VTA1: variants seen among roughly 807,000 people sequenced by gnomAD.
VTA1 encodes vacuolar protein sorting-associated protein VTA1 homolog.
VTA1 carries 24 observed loss-of-function variants against 36.9 expected under a neutral mutation model. The observed-to-expected ratio is 0.65, with a 90% CI of 0.47 to 0.91. VTA1 has a LOEUF of 0.91. Ranked by LOEUF, VTA1 falls within the 40% of genes least tolerant of loss-of-function variation. The pLI is 0.00. For synonymous variants in VTA1, 142 were observed against 130.2 expected (o/e 1.09, Z -0.62); for missense variants, 393 against 377.2 (o/e 1.04, Z -0.35).
chr6:142,207,406 G>A lies in VTA1; in HGVS notation c.778+3341G>A, dbSNP rs143231966. 1.3e-4 allele frequency among the ~76,000 whole-genome samples: 20 copies of A among 152,232 alleles called. No individual in the cohort carries two copies. The East Asian group carries it at 3.7e-3, about 28-fold the overall frequency. The stretch of plus-strand genomic sequence containing the variant: ...TATTCCCAGCCCCAGAAACTTCACT[G>A]TGCAACTTGGCCAAAGGAGACACCA... On this transcript the variant is annotated intron_variant, in intron 7 of 7. Transcript: ENST00000367630.
intron 5 of VTA1, among the ~76,000 whole-genome samples, chr6:142,192,991 T>C (rs1775482573): frequency 6.6e-6 from 1 of 152,114 alleles, no homozygotes; most frequent in Non-Finnish European, 1.5e-5. Context: ...CTGATTTCCA[T>C]CTGTATTCAG....
chr6:142,216,657 T>A (rs1219323976), intron 7 of VTA1, among the ~76,000 whole-genome samples: 1 of 152,214 alleles, frequency 6.6e-6, no homozygotes, highest in African/African-American at 2.4e-5. Flanking sequence ...AAAAATACAG[T>A]ATTTGTGTTT....
intron 4 of VTA1, among the ~76,000 whole-genome samples, chr6:142,179,770 C>T (rs1339998113): frequency 6.6e-6 from 1 of 152,054 alleles, no homozygotes; most frequent in African/African-American, 2.4e-5. Flanking sequence ...AAAGTATGTT[C>T]GTTTTACTGC....
intron 6 of VTA1, among the ~76,000 whole-genome samples, chr6:142,200,837 G>T (rs762092037): frequency 1.3e-5 from 2 of 151,870 alleles, no homozygotes; most frequent in Non-Finnish European, 2.9e-5. Context: ...TATAGAATGA[G>T]ATCCTATCAT....
At chr6:142,156,285 G>A (rs569117307) in intron 1 of VTA1, among the ~76,000 whole-genome samples, 1 of 152,264 alleles carries the variant, frequency 6.6e-6, no homozygotes, top group Admixed American at 6.5e-5. Flanking sequence ...ACCAGTTATT[G>A]AGTGAGCCAC....
At chr6:142,190,804 G>C (rs752080505) in intron 5 of VTA1, among the ~76,000 whole-genome samples, 34 of 152,246 alleles carry the variant, frequency 2.2e-4, no homozygotes, top group Non-Finnish European at 3.5e-4. Flanking sequence ...CAGCTGTTTA[G>C]CTCTGCTGTT....
chr6:142,191,079 A>G (rs1420692603), intron 5 of VTA1, among the ~76,000 whole-genome samples: 1 of 152,134 alleles, frequency 6.6e-6, no homozygotes, highest in East Asian at 1.9e-4. Context: ...TCACTACTAT[A>G]TCATTTAGGA....
chr6:142,190,992 TG>T (rs1189598584), intron 5 of VTA1, among the ~76,000 whole-genome samples: 1 of 152,188 alleles, frequency 6.6e-6, no homozygotes, highest in Non-Finnish European at 1.5e-5. Flanking sequence ...TGCCTATTAT[TG>T]AACCAATTTT....
At chr6:142,203,346 C>T (rs1399506892) in intron 6 of VTA1, among the ~76,000 whole-genome samples, 1 of 151,922 alleles carries the variant, frequency 6.6e-6, no homozygotes, top group Non-Finnish European at 1.5e-5. Flanking sequence ...TTTTATTTTC[C>T]TGCTGATTGA....
At chr6:142,168,805 C>T (rs975557338) in intron 2 of VTA1, among the ~76,000 whole-genome samples, 1 of 150,018 alleles carries the variant, frequency 6.7e-6, no homozygotes, top group Non-Finnish European at 1.5e-5. Flanking sequence ...CTCGCTCATT[C>T]GCCCAGGCTG....
In VTA1 at chr6:142,187,912, C is replaced by CTTTT. The variant is rs58131768; in HGVS notation, c.412-1499_412-1496dup. 7.0e-4 allele frequency among the ~76,000 whole-genome samples: 84 copies of CTTTT among 120,680 alleles called. 1 individual carries two copies. Among genetic ancestry groups the CTTTT allele is most frequent in the Non-Finnish European group, 7.7e-4 (46 of 59,490 alleles). The allele number at this position is 120,680 out of a possible 152,430, so 79.2% of individuals were successfully genotyped here. On this transcript the variant is annotated intron_variant, in intron 4 of 7. Transcript: ENST00000367630. ...ATCTTTGCAAAAGGATACTTTCTTT[C>CTTTT]TTTTTTTTTTTTTTTTTTGGCCGGG...
At chr6:142,157,274 A>G (rs1380115719) in intron 1 of VTA1, among the ~76,000 whole-genome samples, 1 of 152,276 alleles carries the variant, frequency 6.6e-6, no homozygotes, top group Non-Finnish European at 1.5e-5. Flanking sequence ...AATAAAGAGA[A>G]GCAGTTCCTT....
chr6:142,168,116 AC>A (rs971198777), intron 2 of VTA1, among the ~76,000 whole-genome samples: 10 of 152,134 alleles, frequency 6.6e-5, no homozygotes, highest in African/African-American at 2.4e-4. Context: ...CAGTTTTAAA[AC>A]TTCAAGTATA....
chr6:142,196,461 TC>T (rs1162408841), intron 5 of VTA1, among the ~76,000 whole-genome samples: 2 of 152,230 alleles, frequency 1.3e-5, no homozygotes, highest in African/African-American at 4.8e-5. Flanking sequence ...ATTCTGTCTC[TC>T]AACCCCTGTG....
At position 142,169,623 on chromosome 6, in the gene VTA1, C is replaced by T. The variant is rs747426206; in HGVS notation, c.281C>T (p.Ala94Val). The T allele has an allele frequency of 4.3e-6, 7 of 1,609,888 alleles. No homozygotes were observed. In the African/African-American group the frequency reaches 5.3e-5, roughly 12 times the overall value. ...GGCTGTGCCCATTTGGAGAATTATG[C>T]TTTGAAAATGTTTTTGTATGCAGAC... ...IVGCAHLENY[A>V]LKMFLYADNE... The change falls in exon 3 of 8, where the codon GCT (alanine) becomes GTT (valine). Residue 94 changes from alanine (A) to valine (V), a missense_variant. By Grantham distance (64) the Ala-to-Val change is moderately conservative. Transcript: ENST00000367630.
chr6:142,202,302 T>C (rs1356985645), intron 6 of VTA1, among the ~76,000 whole-genome samples: 2 of 152,004 alleles, frequency 1.3e-5, no homozygotes, highest in East Asian at 3.9e-4. Context: ...GCCTAAGATT[T>C]GGCTGTCTCC....
chr6:142,180,609 T>C lies in VTA1; in HGVS notation c.412-8817T>C, dbSNP rs1042146886. Among the ~76,000 whole-genome samples, 8 of 152,250 alleles carry C rather than the reference T, an allele frequency of 5.3e-5. No individual in the cohort carries two copies. The East Asian group carries it at 5.8e-4, about 11-fold the overall frequency. ...TATCTTACCAAATTGCTTATTGATA[T>C]CAGAGGAAAATAGTAATTCAATAAT... On this transcript the variant is annotated intron_variant, in intron 4 of 7. Transcript: ENST00000367630.
chr6:142,171,100 AT>A (rs35684039), intron 4 of VTA1, among the ~76,000 whole-genome samples: 15 of 145,500 alleles, frequency 1.0e-4, no homozygotes, highest in Admixed American at 2.1e-4. Context: ...AGGTAGAATC[AT>A]TTTTTTTTTT....
At chr6:142,156,649 G>T (rs1366304578) in intron 1 of VTA1, among the ~76,000 whole-genome samples, 1 of 152,122 alleles carries the variant, frequency 6.6e-6, no homozygotes. Flanking sequence ...GGGTGACATT[G>T]TAAAGTTAAT....
Sources: gnomAD v4.1 joint callset for allele counts (sites outside exome capture counted in the v4.1 genomes callset) on GRCh38, gnomAD v4.1.1 for gene constraint, MANE v1.5 for transcripts, NCBI Gene and HGNC (gene_info 2026-07-23, HGNC 2026-07-21) for gene names.